The following FAM161A variants were observed in gnomAD, a reference collection of about 807,000 sequenced individuals.
FAM161A encodes the protein FAM161 centrosomal protein A, also known as protein FAM161A.
A neutral mutation model predicts 70.9 loss-of-function variants in FAM161A; 57 were observed. The observed-to-expected ratio is 0.80, with a 90% CI of 0.65 to 1.00. The LOEUF is 1.00. Among genes scored for constraint, FAM161A ranks in the 50% least tolerant of loss-of-function variants. The pLI is 0.00. For missense variants in FAM161A, 880 were observed against 836.0 expected, an observed-to-expected ratio of 1.05 and a Z score of -0.65; for synonymous variants, 299 against 295.7, an observed-to-expected ratio of 1.01 and a Z score of -0.12.
chr2:61,852,977 T>C (rs1673548827), intron 1 of FAM161A, among the ~76,000 whole-genome samples: 1 of 136,784 alleles, frequency 7.3e-6, no homozygotes, highest in Non-Finnish European at 1.5e-5. Flanking sequence ...GGGTCTGAGA[T>C]CTCAGCTCAC....
chr2:61,801,840 C>T, the FAM161A span, among the ~76,000 whole-genome samples: 2 of 152,020 alleles, frequency 1.3e-5, no homozygotes, highest in Admixed American at 6.6e-5. Context: ...GGATTACAGA[C>T]GTGAGCCACC....
chr2:61,846,834 C>T, intron 1 of FAM161A: 2 of 423,590 alleles, frequency 4.7e-6, no homozygotes, highest in South Asian at 3.5e-5. Flanking sequence ...TGGGCAGCAG[C>T]AGTTCGTTTT....
intron 1 of FAM161A, among the ~76,000 whole-genome samples, chr2:61,844,386 A>T (rs1673131774): frequency 6.6e-6 from 1 of 151,862 alleles, no homozygotes; most frequent in African/African-American, 2.4e-5. Flanking sequence ...GCTAAAATGT[A>T]CGTCAGATTT....
rs368217145 is a variant in FAM161A at position 61,849,708 on chromosome 2, C to T, written c.183+4151G>A. Among the ~76,000 whole-genome samples the T allele has an allele frequency of 1.1e-4, 16 of 150,478 alleles. No individual in the cohort carries two copies. The East Asian group carries it at 2.9e-3, about 28-fold the overall frequency. The stretch of plus-strand genomic sequence containing the variant: ...GCTGAGGCAGGAGAATCACTTGAAC[C>T]CAGGAGGCACAGGTCTCATTGAGCC... On this transcript the variant is annotated intron_variant, in intron 1 of 6. Coordinates refer to ENST00000404929, the MANE Select transcript of FAM161A (RefSeq NM_001201543.2).
the FAM161A span, among the ~76,000 whole-genome samples, chr2:61,815,938 G>A: frequency 6.6e-6 from 1 of 152,196 alleles, no homozygotes; most frequent in African/African-American, 2.4e-5. Flanking sequence ...ATAATTGAAA[G>A]CCTATCCCTT....
chr2:61,807,661 A>G, the FAM161A span, among the ~76,000 whole-genome samples: 11 of 128,588 alleles, frequency 8.6e-5, no homozygotes, highest in African/African-American at 3.6e-4. Flanking sequence ...TTTTGTTGAG[A>G]CAAGGTCTTG....
rs1673040173 is a variant in FAM161A, at chr2:61,842,157, C to A, written c.387G>T (p.Val129=). The A allele has an allele frequency of 6.2e-7, 1 of 1,612,130 alleles. No individual in the cohort carries two copies. Among genetic ancestry groups the A allele is most frequent in the Non-Finnish European group, 8.5e-7 (1 of 1,178,404 alleles). ...DKLHLKEVQP[V]VIREDSLSDS... The stretch of plus-strand genomic sequence containing the variant: ...CACTAAGAGAGTCTTCTCTGATGAC[C>A]ACTGGCTGAACTTCCTTTAAATGTA... Residue 129 remains valine, a synonymous_variant, in exon 2 of 7, where the codon GTG becomes GTT. Coordinates refer to ENST00000404929, the MANE Select transcript of FAM161A (RefSeq NM_001201543.2).
At chr2:61,809,970 C>G in the FAM161A span, among the ~76,000 whole-genome samples, 1 of 152,216 alleles carries the variant, frequency 6.6e-6, no homozygotes, top group Non-Finnish European at 1.5e-5. Context: ...TGTCTACCAT[C>G]TACCATTGGA....
At chr2:61,812,864 T>C in the FAM161A span, among the ~76,000 whole-genome samples, 4,707 of 151,518 alleles carry the variant, frequency 0.031, 120 homozygotes, top group Non-Finnish European at 0.045. Context: ...GGTCAGGAGA[T>C]CAAGACCATG....
the FAM161A span, among the ~76,000 whole-genome samples, chr2:61,808,244 T>C: frequency 6.6e-6 from 1 of 152,112 alleles, no homozygotes; most frequent in Non-Finnish European, 1.5e-5. Flanking sequence ...TAGTAACTGC[T>C]TACAGACAGT....
intron 1 of FAM161A, among the ~76,000 whole-genome samples, chr2:61,849,212 C>T (rs1441985782): frequency 7.1e-6 from 1 of 141,134 alleles, no homozygotes; most frequent in Non-Finnish European, 1.5e-5. Flanking sequence ...GATAGAAAAA[C>T]GGCCAGAGAA....
chr2:61,835,912 T>C lies in FAM161A; in HGVS notation c.1851+98A>G, dbSNP rs187954374. The C allele has an allele frequency of 9.4e-5, 77 of 822,280 alleles. 1 individual carries two copies. Among genetic ancestry groups the C allele is most frequent in the South Asian group, 6.0e-4 (41 of 68,756 alleles). The allele number at this position is 822,280 out of a possible 1,614,324, so 50.9% of individuals were successfully genotyped here. On this transcript the variant is annotated intron_variant, in intron 5 of 6. Coordinates refer to ENST00000404929, the MANE Select transcript of FAM161A (RefSeq NM_001201543.2). ...CAACAATAATGTATCTCAACAGTTA[T>C]ATAACACATAAGAAAAATGGACTGT...
Position 61,840,575 on chromosome 2 carries a change from T to C in FAM161A, c.429A>G (p.Val143=). 6.3e-7 allele frequency: 1 copy of C among 1,599,908 alleles called. No individual in the cohort carries two copies. The highest frequency in any genetic ancestry group is 1.3e-5 in the African/African-American group (1 of 74,712). Reference sequence around the variant, plus strand: ...CAGGGTGATAGGAGTTCTTTTCTGATACAGATCTAAATGAGAAGAATAACT... The same window carrying C: ...CAGGGTGATAGGAGTTCTTTTCTGACACAGATCTAAATGAGAAGAATAACT... The part of the protein sequence containing the change: ...EDSLSDSSRS[V]SEKNSYHPVS... The change falls in exon 3 of 7, where the codon GTA becomes GTG. Residue 143 remains valine, a synonymous_variant. Coordinates refer to ENST00000404929, the MANE Select transcript of FAM161A (RefSeq NM_001201543.2).
chr2:61,832,618 A>G (rs922266883), intron 5 of FAM161A, among the ~76,000 whole-genome samples: 1 of 152,178 alleles, frequency 6.6e-6, no homozygotes, highest in Non-Finnish European at 1.5e-5. Flanking sequence ...ACCAGGCTGC[A>G]CAGCAGGAAG....
rs1206148397 is a variant in FAM161A, at chr2:61,840,197, G to A, written c.807C>T (p.Leu269=). Reference sequence around the variant, plus strand: ...ACTCTGGATCCTCTTCTTGTTTTTTGAGCGCTTTATGTACCATTTCGATAT... The same window carrying A: ...ACTCTGGATCCTCTTCTTGTTTTTTAAGCGCTTTATGTACCATTTCGATAT... ...KSDIEMVHKA[L]KKQEEDPEYK... Residue 269 remains leucine (L), a synonymous_variant, in exon 3 of 7, where the codon CTC becomes CTT. Coordinates refer to ENST00000404929, the MANE Select transcript of FAM161A (RefSeq NM_001201543.2). 1 of 1,613,780 alleles carries A rather than the reference G, an allele frequency of 6.2e-7. No homozygotes were observed. Among genetic ancestry groups the A allele is most frequent in the Non-Finnish European group, 8.5e-7 (1 of 1,179,966 alleles).
the FAM161A span, among the ~76,000 whole-genome samples, chr2:61,806,787 G>T: frequency 3.4e-5 from 5 of 147,430 alleles, no homozygotes; most frequent in African/African-American, 7.6e-5. Context: ...CCGCCTCCGG[G>T]GTTCACACCA....
At chr2:61,809,187 G>A in the FAM161A span, among the ~76,000 whole-genome samples, 2 of 152,010 alleles carry the variant, frequency 1.3e-5, no homozygotes, top group Non-Finnish European at 2.9e-5. Context: ...GCTTTTCTTG[G>A]AACACTCTCT....
chr2:61,813,994 G>A, the FAM161A span, among the ~76,000 whole-genome samples: 1 of 152,132 alleles, frequency 6.6e-6, no homozygotes, highest in Non-Finnish European at 1.5e-5. Flanking sequence ...TGAGGTGCCA[G>A]GCAGTCAGGG....
chr2:61,820,511 A>G, downstream of FAM161A: 1 of 752,422 alleles, frequency 1.3e-6, no homozygotes, highest in Admixed American at 1.7e-5. Flanking sequence ...CTAACTGTGA[A>G]AAAGGTATTT....
Sources: gnomAD v4.1 joint callset for allele counts (sites outside exome capture counted in the v4.1 genomes callset) on GRCh38, gnomAD v4.1.1 for gene constraint, MANE v1.5 for transcripts, NCBI Gene and HGNC (gene_info 2026-07-23, HGNC 2026-07-21) for gene names.